The following NCSTN variants were observed in gnomAD, a reference collection of about 807,000 sequenced individuals.
NCSTN encodes the protein nicastrin.
A neutral mutation model predicts 87.0 loss-of-function variants in NCSTN; 22 were observed. That is an observed-to-expected ratio of 0.25 (90% CI 0.18 to 0.36). The LOEUF (loss-of-function observed/expected upper bound fraction) is 0.36. NCSTN is among the 10% of genes least tolerant of loss of function. NCSTN has a pLI of 1.00. For synonymous variants in NCSTN, 306 were observed against 327.1 expected (o/e 0.94, Z 0.69); for missense variants, 693 against 883.3 (o/e 0.78, Z 2.73).
At chr1:160,347,683 C>T (rs112974136) in intron 2 of NCSTN, among the ~76,000 whole-genome samples, 3,933 of 152,276 alleles carry the variant, frequency 0.026, 206 homozygotes, top group African/African-American at 0.091. Flanking sequence ...AATCTCAGCT[C>T]ACTGCAGCCT....
intron 2 of NCSTN, chr1:160,345,047 C>T: frequency 1.6e-6 from 1 of 608,894 alleles, no homozygotes; most frequent in South Asian, 1.9e-5. Context: ...CATACAACCC[C>T]AACCACAACC....
intron 2 of NCSTN, chr1:160,345,106 A>G: frequency 2.0e-6 from 1 of 510,008 alleles, no homozygotes. Flanking sequence ...TGATGAAACT[A>G]AAACTTAAAG....
intron 5 of NCSTN, 145 bp from the exon 6 acceptor site, chr1:160,351,077 A>G (rs1648810337): frequency 1.2e-6 from 1 of 845,926 alleles, no homozygotes; most frequent in Non-Finnish European, 2.0e-6. Context: ...TGGTGGTTCT[A>G]GGATAACTAT....
rs201970922 is a variant in NCSTN, at chr1:160,357,237, C to T, written c.1991C>T (p.Ala664Val). ...KDIRARIFLI[A>V]SKELELITLT... is the part of the protein sequence containing the mutation. Reference sequence around the variant, plus strand: ...ATCCGTGCCCGGATATTTCTCATCGCCAGCAAAGAGCTTGAGGTGAGATGG... The same window carrying T: ...ATCCGTGCCCGGATATTTCTCATCGTCAGCAAAGAGCTTGAGGTGAGATGG... Residue 664 changes from alanine to valine, a missense_variant, in exon 16 of 17, where the codon GCC (alanine) becomes GTC (valine). Physicochemically the swap from Ala to Val is moderately conservative, Grantham distance 64. This residue lies in a region of NCSTN where 216 missense variants were observed against 311.7 expected (regional missense o/e 0.69). Coordinates refer to ENST00000294785, the MANE Select transcript of NCSTN (RefSeq NM_015331.3). 8.1e-6 allele frequency: 13 copies of T among 1,613,382 alleles called. No individual in the cohort carries two copies. The highest frequency in any genetic ancestry group is 1.1e-5 in the South Asian group (1 of 90,926).
At chr1:160,350,081 C>T (rs200259217) in intron 4 of NCSTN, 24 bp from the exon 5 acceptor site, 2 of 1,613,234 alleles carry the variant, frequency 1.2e-6, no homozygotes, top group Middle Eastern at 1.7e-4. Flanking sequence ...AACCAGTCCC[C>T]CTATTCCCCA....
At chr1:160,348,469 A>C (rs544088692) in intron 2 of NCSTN, among the ~76,000 whole-genome samples, 2 of 152,336 alleles carry the variant, frequency 1.3e-5, no homozygotes, top group Admixed American at 1.3e-4. Flanking sequence ...TCAATTGGGA[A>C]GCTCTGTTTT....
chr1:160,357,614 C>T (rs893173699), intron 16 of NCSTN, among the ~76,000 whole-genome samples: 9 of 152,220 alleles, frequency 5.9e-5, no homozygotes, highest in African/African-American at 2.2e-4. Flanking sequence ...CCATGTTGGT[C>T]AGGCTAGTCT....
intron 1 of NCSTN, among the ~76,000 whole-genome samples, chr1:160,344,269 C>T (rs1265251637): frequency 6.6e-6 from 1 of 152,088 alleles, no homozygotes; most frequent in Non-Finnish European, 1.5e-5. Context: ...AATTAACTGA[C>T]CCGTGTATGT....
intron 16 of NCSTN, 40 bp downstream of exon 16, chr1:160,357,293 G>T: frequency 1.3e-6 from 2 of 1,550,960 alleles, no homozygotes; most frequent in South Asian, 2.3e-5. Context: ...GGATCTGTTT[G>T]ACTTCTTTCT....
In NCSTN at chr1:160,356,282, T is replaced by A; in HGVS notation, c.1574T>A (p.Phe525Tyr). Residue 525 changes from phenylalanine (F) to tyrosine (Y), a missense_variant, in exon 14 of 17, where the codon TTC becomes TAC. Phe to Tyr is a conservative substitution (Grantham distance 22). Around this residue, in one of 4 missense-constraint regions of NCSTN, gnomAD observed 216 missense variants for 311.7 expected, o/e 0.69. Coordinates refer to ENST00000294785, the MANE Select transcript of NCSTN (RefSeq NM_015331.3). ...PQTVTRLLYG[F>Y]LIKANNSWFQ... ...TAGGTTACCCGCCTGCTCTATGGGT[T>A]CCTGATTAAAGCCAACAACTCATGG... The A allele has an allele frequency of 6.2e-7, 1 of 1,613,636 alleles. No homozygotes were observed. The highest frequency in any genetic ancestry group is 1.1e-5 in the South Asian group (1 of 91,080).
At chr1:160,344,027 A>T in intron 1 of NCSTN, 1 of 231,862 alleles carries the variant, frequency 4.3e-6, no homozygotes, top group Non-Finnish European at 8.5e-6. Context: ...AACTGTGAAG[A>T]CCCTGAAGTA....
Position 160,358,597 on chromosome 1 carries a change from T to C in NCSTN, c.*326T>C. ...TTTGCCCTTCAGGACCCTTCTACTT[T>C]TTCCTTCCTGCCCTGTACCTCTCTC... is the stretch of plus-strand genomic sequence containing the variant. On this transcript the variant is annotated 3_prime_UTR_variant, in exon 17 of 17. Coordinates refer to ENST00000294785, the MANE Select transcript of NCSTN (RefSeq NM_015331.3). 1 of 384,456 alleles carries C rather than the reference T, an allele frequency of 2.6e-6. No homozygotes were observed. The highest frequency in any genetic ancestry group is 5.0e-6 in the Non-Finnish European group (1 of 200,776). 23.8% of individuals were successfully genotyped at this position (384,456 alleles called of 1,614,324 possible). A position where few individuals can be genotyped will look rare whatever the true frequency, so the allele number is the denominator to read the frequency against.
At chr1:160,354,328 AAG>A (rs1649025021) in intron 11 of NCSTN, 38 bp downstream of exon 11, 3 of 1,603,034 alleles carry the variant, frequency 1.9e-6, no homozygotes, top group Admixed American at 1.7e-5. Flanking sequence ...TTCATTCTTG[AAG>A]AGAGTCTATT....
Position 160,357,041 on chromosome 1 carries a change from C to T in NCSTN, c.1795C>T (p.Leu599=). 6.2e-7 allele frequency: 1 copy of T among 1,612,964 alleles called. No individual in the cohort carries two copies. Among genetic ancestry groups the T allele is most frequent in the Non-Finnish European group, 8.5e-7 (1 of 1,179,096 alleles). The change falls in exon 16 of 17, where the codon CTG becomes TTG. Residue 599 remains leucine, a splice_region_variant and synonymous_variant. Transcript: ENST00000294785. ...GTGTTGTGGCGCATCTTCTGTGCAG[C>T]TGTATGAGTACTCATGGGTCCAGGG... ...PSKVPSENKD[L]YEYSWVQGPL... is the part of the protein sequence containing the mutation.
At chr1:160,349,988 G>A in intron 4 of NCSTN, 117 bp from the exon 5 acceptor site, 5 of 1,293,558 alleles carry the variant, frequency 3.9e-6, no homozygotes, top group Non-Finnish European at 5.6e-6. Context: ...ACTTCTTTGA[G>A]TCACCACCTC....
At chr1:160,353,358 G>C in intron 10 of NCSTN, 121 bp downstream of exon 10, 1 of 1,564,464 alleles carries the variant, frequency 6.4e-7, no homozygotes, top group Non-Finnish European at 8.7e-7. Flanking sequence ...GGATTGGATT[G>C]GGTGTTGGCC....
At chr1:160,350,348 A>T in intron 5 of NCSTN, 98 bp downstream of exon 5, 2 of 1,349,336 alleles carry the variant, frequency 1.5e-6, no homozygotes, top group Non-Finnish European at 2.1e-6. Context: ...GCCACCCGGG[A>T]GGCTGAGACA....
intron 2 of NCSTN, among the ~76,000 whole-genome samples, chr1:160,347,249 T>C (rs1648548056): frequency 6.6e-6 from 1 of 152,262 alleles, no homozygotes; most frequent in South Asian, 2.1e-4. Context: ...CTGTCTTTTC[T>C]GAGCAGGCTC....
chr1:160,358,593 A>G lies in NCSTN; in HGVS notation c.*322A>G, dbSNP rs202178089. The stretch of plus-strand genomic sequence containing the variant: ...CTAATTTGCCCTTCAGGACCCTTCT[A>G]CTTTTTCCTTCCTGCCCTGTACCTC... On this transcript the variant is annotated 3_prime_UTR_variant, in exon 17 of 17. Transcript: ENST00000294785. 7.7e-6 allele frequency: 3 copies of G among 389,288 alleles called. No individual in the cohort carries two copies. The highest frequency in any genetic ancestry group is 2.1e-5 in the African/African-American group (1 of 47,976). 24.1% of individuals were successfully genotyped at this position (389,288 alleles called of 1,614,324 possible).
Sources: gnomAD v4.1 joint callset for allele counts (sites outside exome capture counted in the v4.1 genomes callset) on GRCh38, gnomAD v4.1.1 for gene constraint, gnomAD v4.1.1 regional missense constraint, MANE v1.5 for transcripts, NCBI Gene and HGNC (gene_info 2026-07-23, HGNC 2026-07-21) for gene names.